The following ASCC1 variants were observed in gnomAD, a reference collection of about 807,000 sequenced individuals.
The protein encoded by ASCC1 is activating signal cointegrator 1 complex subunit 1.
A neutral mutation model predicts 46.6 loss-of-function variants in ASCC1; 35 were observed. That is an observed-to-expected ratio of 0.75 (90% CI 0.57 to 0.99). ASCC1 has a LOEUF of 0.99. Among genes scored for constraint, ASCC1 ranks in the 50% least tolerant of loss-of-function variants. The probability of loss-of-function intolerance (pLI) is 0.00; values close to 1 mark genes in which losing one functional copy is unlikely to be tolerated. For synonymous variants in ASCC1, 143 were observed against 146.6 expected (o/e 0.98, Z 0.18); for missense variants, 376 against 428.7 (o/e 0.88, Z 1.09).
chr10:72,216,272 A>G lies in ASCC1; in HGVS notation c.-99T>C, dbSNP rs1859292573. 1 of 158,630 alleles carries G rather than the reference A, an allele frequency of 6.3e-6. No individual in the cohort carries two copies. Among genetic ancestry groups the G allele is most frequent in the Admixed American group, 6.1e-5 (1 of 16,386 alleles). 9.8% of individuals were successfully genotyped at this position (158,630 alleles called of 1,614,324 possible). A position where few individuals can be genotyped will look rare whatever the true frequency, so the allele number is the denominator to read the frequency against. On this transcript the variant is annotated 5_prime_UTR_variant, in exon 1 of 10. Coordinates refer to ENST00000672957, the MANE Select transcript of ASCC1 (RefSeq NM_001198800.3). ...AGGAGACTGCTGCAGCAGACGTGCG[A>G]TAGGAAATTTCCCCAGGCCGGGTTT...
intron 5 of ASCC1, among the ~76,000 whole-genome samples, chr10:72,178,566 G>A (rs1379656990): frequency 6.6e-6 from 1 of 152,142 alleles, no homozygotes; most frequent in African/African-American, 2.4e-5. Flanking sequence ...GAATGCACAT[G>A]GAAGTTGATT....
chr10:72,175,813 C>T (rs1386259761), intron 5 of ASCC1, among the ~76,000 whole-genome samples: 1 of 152,190 alleles, frequency 6.6e-6, no homozygotes, highest in African/African-American at 2.4e-5. Context: ...TACTTGAAAG[C>T]ACTAGTTAGC....
intron 5 of ASCC1, among the ~76,000 whole-genome samples, chr10:72,175,439 T>A (rs550467811): frequency 2.0e-5 from 3 of 152,326 alleles, no homozygotes; most frequent in Non-Finnish European, 4.4e-5. Flanking sequence ...CATTATTCTT[T>A]AAGAATGTTC....
intron 5 of ASCC1, among the ~76,000 whole-genome samples, chr10:72,169,648 A>G (rs764048110): frequency 1.3e-5 from 2 of 152,256 alleles, no homozygotes; most frequent in African/African-American, 4.8e-5. Context: ...ACTTCTGGGT[A>G]TGTATGCCTC....
In ASCC1 at chr10:72,183,158, C is replaced by G. The variant is rs1310258800; in HGVS notation, c.489+13653G>C. Reference sequence around the variant, plus strand: ...CCTAAGTTCAAGCGATCCTCCCTGCCTCCGCCTCCTGAGTAGCTGGGATTA... The same window carrying G: ...CCTAAGTTCAAGCGATCCTCCCTGCGTCCGCCTCCTGAGTAGCTGGGATTA... On this transcript the variant is annotated intron_variant, in intron 5 of 9. Coordinates refer to ENST00000672957, the MANE Select transcript of ASCC1 (RefSeq NM_001198800.3). 4.0e-5 allele frequency among the ~76,000 whole-genome samples: 6 copies of G among 151,842 alleles called. No homozygotes were observed. The East Asian group carries it at 1.2e-3, about 29-fold the overall frequency.
intron 7 of ASCC1, among the ~76,000 whole-genome samples, chr10:72,144,619 C>T (rs1167304526): frequency 6.6e-6 from 1 of 151,982 alleles, no homozygotes; most frequent in South Asian, 2.1e-4. Flanking sequence ...TTGGAATTTA[C>T]ACTATTTTTA....
In ASCC1 at chr10:72,158,490, C is replaced by T. The variant is rs568988697; in HGVS notation, c.626+3048G>A. 3.9e-5 allele frequency among the ~76,000 whole-genome samples: 6 copies of T among 152,240 alleles called. No homozygotes were observed. In the South Asian group the frequency reaches 8.3e-4, roughly 21 times the overall value. ...AAAGGAAAGTCACCAGGGACACAGC[C>T]GGAGCTTCCGAATTTACTAAACACT... On this transcript the variant is annotated intron_variant, in intron 6 of 9. Coordinates refer to ENST00000672957, the MANE Select transcript of ASCC1 (RefSeq NM_001198800.3).
intron 9 of ASCC1, among the ~76,000 whole-genome samples, chr10:72,100,454 T>A (rs1841619174): frequency 6.6e-6 from 1 of 152,224 alleles, no homozygotes; most frequent in Non-Finnish European, 1.5e-5. Flanking sequence ...CTTGAACTCC[T>A]GACCTCAGGT....
At chr10:72,149,253 A>G (rs986420659) in intron 7 of ASCC1, among the ~76,000 whole-genome samples, 2 of 152,082 alleles carry the variant, frequency 1.3e-5, no homozygotes, top group Admixed American at 6.6e-5. Context: ...CCTGGCTGAC[A>G]CGGTGAAACC....
At chr10:72,172,949 ATAT>A (rs1372507496) in intron 5 of ASCC1, among the ~76,000 whole-genome samples, 1 of 137,068 alleles carries the variant, frequency 7.3e-6, no homozygotes, top group East Asian at 2.0e-4. Flanking sequence ...ATTATATATT[ATAT>A]TTTATATTTT....
intron 7 of ASCC1, among the ~76,000 whole-genome samples, chr10:72,135,521 T>C (rs1330482784): frequency 6.6e-6 from 1 of 152,188 alleles, no homozygotes. Context: ...GATGCCAGTG[T>C]CTGCAGTGAA....
intron 9 of ASCC1, 111 bp from the exon 10 acceptor site, chr10:72,097,561 T>G: frequency 2.9e-6 from 2 of 684,916 alleles, no homozygotes; most frequent in Non-Finnish European, 5.2e-6. Context: ...AACAAATCTC[T>G]CATGCTTTTT....
rs140667658 is a variant in ASCC1 at position 72,207,532 on chromosome 10, G to A, written c.212+3200C>T. Among the ~76,000 whole-genome samples, 553 of 152,208 alleles carry A rather than the reference G, an allele frequency of 3.6e-3. 1 individual carries two copies. Among genetic ancestry groups the A allele is most frequent in the Non-Finnish European group, 5.6e-3 (382 of 67,990 alleles). ...CCAGGTCAAGTGGTTCTCAGTCTTGGCTATACACTGGAATCACCTGGGGGG... is the reference window on the plus strand; with the variant it reads ...CCAGGTCAAGTGGTTCTCAGTCTTGACTATACACTGGAATCACCTGGGGGG... On this transcript the variant is annotated intron_variant, in intron 3 of 9. Transcript: ENST00000672957.
At chr10:72,175,093 T>C (rs1047941156) in intron 5 of ASCC1, among the ~76,000 whole-genome samples, 3 of 152,216 alleles carry the variant, frequency 2.0e-5, no homozygotes, top group African/African-American at 4.8e-5. Flanking sequence ...CTAAAGAAGT[T>C]ATTCAAATAA....
chr10:72,169,602 G>A (rs1218567699), intron 5 of ASCC1, among the ~76,000 whole-genome samples: 4 of 152,208 alleles, frequency 2.6e-5, no homozygotes, highest in Non-Finnish European at 5.9e-5. Context: ...AAGGGATGAA[G>A]GAGAAAGGGG....
intron 5 of ASCC1, among the ~76,000 whole-genome samples, chr10:72,193,051 C>T (rs1207143066): frequency 6.6e-6 from 1 of 152,180 alleles, no homozygotes; most frequent in Non-Finnish European, 1.5e-5. Flanking sequence ...CAAAACAGTA[C>T]ATGCATTCTG....
In ASCC1 at chr10:72,203,527, G is replaced by C; in HGVS notation, c.213-3C>G. 1 of 1,565,788 alleles carries C rather than the reference G, an allele frequency of 6.4e-7. No individual in the cohort carries two copies. The highest frequency in any genetic ancestry group is 8.8e-7 in the Non-Finnish European group (1 of 1,137,282). ...CCCCTCTCTTTCCAACTATATGCCT[G>C]TAACATAAAGTAATTAAAAGAAGAT... On this transcript the variant is annotated splice_region_variant and splice_polypyrimidine_tract_variant and intron_variant, in intron 3 of 9. Transcript: ENST00000672957.
chr10:72,110,723 G>A (rs1212809361), intron 9 of ASCC1, among the ~76,000 whole-genome samples: 1 of 152,194 alleles, frequency 6.6e-6, no homozygotes, highest in African/African-American at 2.4e-5. Context: ...GGAGGCGGAG[G>A]TTGCAGTGAG....
At chr10:72,129,378 A>G (rs1031724838) in intron 8 of ASCC1, among the ~76,000 whole-genome samples, 1 of 152,262 alleles carries the variant, frequency 6.6e-6, no homozygotes, top group Non-Finnish European at 1.5e-5. Flanking sequence ...TCAGCCATAA[A>G]GAAATGAAGC....
Sources: allele counts gnomAD v4.1 joint callset (sites outside exome capture counted in the v4.1 genomes callset), GRCh38; gene constraint gnomAD v4.1.1; transcripts MANE v1.5; gene names NCBI Gene and HGNC (gene_info 2026-07-23, HGNC 2026-07-21).